Variants in INF2 observed in about 807,000 individuals in gnomAD.
INF2 encodes the protein inverted formin 2.
Under a neutral mutation model 123.5 loss-of-function variants are expected in INF2, and 43 were observed. That is an observed-to-expected ratio of 0.35 (90% CI 0.27 to 0.45). INF2 has a LOEUF of 0.45. Ranked by LOEUF, INF2 falls within the 20% of genes least tolerant of loss-of-function variation. The pLI is 1.00. For missense variants in INF2, 1,453 were observed against 1,682.7 expected, an observed-to-expected ratio of 0.86 and a Z score of 2.39; for synonymous variants, 851 against 745.0, an observed-to-expected ratio of 1.14 and a Z score of -2.32.
rs1890441178 is a variant in INF2 at position 104,718,822 on chromosome 14, G to A, written c.*29G>A. On this transcript the variant is annotated 3_prime_UTR_variant, in exon 23 of 23. Coordinates refer to ENST00000392634, the MANE Select transcript of INF2 (RefSeq NM_022489.4). ...CTCAGGCCCAGGCCCAAGGCCAAGTGAGAGAGCCCAGGCCACAGGACATGC... is the reference window on the plus strand; with the variant it reads ...CTCAGGCCCAGGCCCAAGGCCAAGTAAGAGAGCCCAGGCCACAGGACATGC... 1 of 1,612,826 alleles carries A rather than the reference G, an allele frequency of 6.2e-7. No homozygotes were observed. Among genetic ancestry groups the A allele is most frequent in the Non-Finnish European group, 8.5e-7 (1 of 1,179,710 alleles).
rs1889953149 is a variant in INF2, at chr14:104,709,671, G to A, written c.2104G>A (p.Asp702Asn). 1.2e-6 allele frequency: 2 copies of A among 1,612,672 alleles called. No individual in the cohort carries two copies. Among genetic ancestry groups the A allele is most frequent in the African/African-American group, 1.3e-5 (1 of 75,046 alleles). Residue 702 changes from aspartate (D) to asparagine (N), a missense_variant, in exon 12 of 23, where the codon GAC becomes AAC. By Grantham distance (23) the Asp-to-Asn change is conservative. Around this residue, in one of 8 missense-constraint regions of INF2, gnomAD observed 192 missense variants for 274.4 expected, o/e 0.70. Transcript: ENST00000392634. ...TEERAKLASA[D>N]HFYLLLLAIP... ...GGAGCGAGCCAAGCTGGCCAGCGCC[G>A]ACCACTTCTACCTCCTCCTGCTGGC...
Position 104,707,396 on chromosome 14 carries a change from A to G in INF2, c.1129A>G (p.Thr377Ala), listed in dbSNP as rs1161076103. 2.5e-6 allele frequency: 4 copies of G among 1,588,112 alleles called. No individual in the cohort carries two copies. The highest frequency in any genetic ancestry group is 2.3e-5 in the East Asian group (1 of 43,108). Residue 377 changes from threonine to alanine, a missense_variant, in exon 8 of 23, where the codon ACA becomes GCA. By Grantham distance (58) the Thr-to-Ala change is moderately conservative (BLOSUM62 0). Around this residue, in one of 8 missense-constraint regions of INF2, gnomAD observed 374 missense variants for 303.7 expected, o/e 1.23. Transcript: ENST00000392634. ...SQRGSSPQNT[T>A]TPKPSVEGQQ... ...GAGGGGCAGCTCCCCGCAAAACACT[A>G]CAACCCCCAAGCCCAGCGTGGAGGG...
At chr14:104,705,275 G>A (rs1174616229) in intron 5 of INF2, among the ~76,000 whole-genome samples, 4 of 152,204 alleles carry the variant, frequency 2.6e-5, no homozygotes, top group South Asian at 2.1e-4. Flanking sequence ...AAATTAGCTG[G>A]CCGTGGTGGC....
At position 104,706,184 on chromosome 14, in the gene INF2, G is replaced by A. The variant is rs1889772111; in HGVS notation, c.843+8G>A. On this transcript the variant is annotated splice_region_variant and intron_variant, in intron 6 of 22. Transcript: ENST00000392634. ...GCCTCCCTGTTCCACAAGGTGGGCTGGGGGCTGCAGGGCGGAGGGCAGCCC... is the reference window on the plus strand; with the variant it reads ...GCCTCCCTGTTCCACAAGGTGGGCTAGGGGCTGCAGGGCGGAGGGCAGCCC... The A allele has an allele frequency of 6.4e-7, 1 of 1,562,124 alleles. No individual in the cohort carries two copies. Among genetic ancestry groups the A allele is most frequent in the Non-Finnish European group, 8.7e-7 (1 of 1,153,052 alleles).
At chr14:104,701,135 C>A (rs1055248282) in intron 1 of INF2, among the ~76,000 whole-genome samples, 1 of 152,186 alleles carries the variant, frequency 6.6e-6, no homozygotes, top group African/African-American at 2.4e-5. Flanking sequence ...TAGGGCCCTT[C>A]CTGCCTGCCG....
chr14:104,709,484 C>A (rs1423555899), intron 11 of INF2, 101 bp downstream of exon 11: 44 of 1,263,686 alleles, frequency 3.5e-5, no homozygotes, highest in Non-Finnish European at 4.4e-5. Flanking sequence ...AGGGAGGCAT[C>A]CCAGCCCTAC....
upstream of INF2, among the ~76,000 whole-genome samples, chr14:104,686,176 G>A (rs1888657839): frequency 6.6e-6 from 1 of 150,496 alleles, no homozygotes; most frequent in African/African-American, 2.4e-5. Context: ...GGATGGATGA[G>A]TAGATGATAG....
chr14:104,701,971 G>A (rs1337906792), intron 2 of INF2, among the ~76,000 whole-genome samples: 1 of 152,100 alleles, frequency 6.6e-6, no homozygotes, highest in Non-Finnish European at 1.5e-5. Context: ...CCCAGTCCCC[G>A]CACTGCTGCA....
At chr14:104,695,468 GC>G (rs1271898419) in intron 1 of INF2, among the ~76,000 whole-genome samples, 1 of 152,102 alleles carries the variant, frequency 6.6e-6, no homozygotes, top group Non-Finnish European at 1.5e-5. Flanking sequence ...CTGGCGAGCC[GC>G]CCACCCACCC....
rs1285090022 is a variant in INF2, at chr14:104,708,662, G to A, written c.1888-9G>A. ...CCGGTACCAGCCTGTTGGGTGGGGG[G>A]TTTTCTAGATCACTTTCCTCGATGC... On this transcript the variant is annotated splice_polypyrimidine_tract_variant and intron_variant, in intron 9 of 22. Transcript: ENST00000392634. The A allele has an allele frequency of 3.1e-6, 5 of 1,612,816 alleles. No individual in the cohort carries two copies. Among genetic ancestry groups the A allele is most frequent in the African/African-American group, 1.3e-5 (1 of 74,910 alleles).
chr14:104,700,451 CTAAA>C (rs933271599), intron 1 of INF2, among the ~76,000 whole-genome samples: 5 of 152,160 alleles, frequency 3.3e-5, no homozygotes. Flanking sequence ...TTCTCAGACG[CTAAA>C]TATAAGATCT....
intron 11 of INF2, 68 bp downstream of exon 11, chr14:104,709,451 G>T: frequency 7.2e-7 from 1 of 1,390,158 alleles, no homozygotes; most frequent in Non-Finnish European, 1.0e-6. Context: ...CTGTCCCGGG[G>T]GCTCCCAGCA....
intron 1 of INF2, among the ~76,000 whole-genome samples, chr14:104,683,894 G>C (rs1888594039): frequency 6.6e-6 from 1 of 152,154 alleles, no homozygotes; most frequent in African/African-American, 2.4e-5. Flanking sequence ...AGCAGAGCAA[G>C]TCAGAACACA....
At chr14:104,716,676 C>T (rs1007084408) in intron 22 of INF2, among the ~76,000 whole-genome samples, 4 of 152,182 alleles carry the variant, frequency 2.6e-5, no homozygotes, top group African/African-American at 7.2e-5. Flanking sequence ...AAGTCCTCTT[C>T]TCTCCCCAAC....
At chr14:104,698,481 C>T (rs1013414495) in intron 1 of INF2, among the ~76,000 whole-genome samples, 6 of 152,222 alleles carry the variant, frequency 3.9e-5, no homozygotes, top group Admixed American at 6.5e-5. Flanking sequence ...TCACTCTATA[C>T]ATAGAAAGCT....
At position 104,720,610 on chromosome 14, in the gene INF2, G is replaced by T. The variant is rs1391742300; in HGVS notation, c.*1817G>T. ...TGTGGATGCTGCTGTGCACGTCTGC[G>T]TCGTCCTCGTGTGGATGCTGCTGTG... On this transcript the variant is annotated 3_prime_UTR_variant, in exon 23 of 23. Transcript: ENST00000392634. 1 of 81,146 alleles carries T rather than the reference G, an allele frequency of 1.2e-5. No homozygotes were observed. Among genetic ancestry groups the T allele is most frequent in the Non-Finnish European group, 2.3e-5 (1 of 43,414 alleles). 5.0% of individuals were successfully genotyped at this position (81,146 alleles called of 1,614,324 possible). A position where few individuals can be genotyped will look rare whatever the true frequency, so the allele number is the denominator to read the frequency against.
At position 104,701,673 on chromosome 14, in the gene INF2, G is replaced by C. The variant is rs772195759; in HGVS notation, c.308G>C (p.Ser103Thr). 2.5e-6 allele frequency: 4 copies of C among 1,584,950 alleles called. No individual in the cohort carries two copies. The African/African-American group carries it at 5.4e-5, about 21-fold the overall frequency. ...SDALLQLTCV[S>T]CVRAVMNSRQ... Reference sequence around the variant, plus strand: ...GCCCTGCTGCAGCTCACCTGCGTCAGCTGCGTGCGCGCCGTCATGAACTCG... The same window carrying C: ...GCCCTGCTGCAGCTCACCTGCGTCACCTGCGTGCGCGCCGTCATGAACTCG... Residue 103 changes from serine (S) to threonine (T), a missense_variant, in exon 2 of 23, where the codon AGC becomes ACC. Physicochemically the swap from Ser to Thr is moderately conservative, Grantham distance 58 (BLOSUM62 1). This residue lies in a region of INF2 where 251 missense variants were observed against 349.4 expected (regional missense o/e 0.72). Transcript: ENST00000392634.
chr14:104,693,368 C>A (rs1015235325), intron 1 of INF2, among the ~76,000 whole-genome samples: 2 of 152,210 alleles, frequency 1.3e-5, no homozygotes, highest in Admixed American at 6.5e-5. Flanking sequence ...CCCCAGGCAG[C>A]CCTTGGTGGG....
upstream of INF2, chr14:104,689,601 C>T: frequency 1.3e-6 from 1 of 792,028 alleles, no homozygotes; most frequent in Non-Finnish European, 1.5e-6. Context: ...CCCGCCCGCC[C>T]CGCCCGCCCC....
Sources: gnomAD v4.1 joint callset for allele counts (sites outside exome capture counted in the v4.1 genomes callset) on GRCh38, gnomAD v4.1.1 for gene constraint, gnomAD v4.1.1 regional missense constraint, MANE v1.5 for transcripts, NCBI Gene and HGNC (gene_info 2026-07-23, HGNC 2026-07-21) for gene names.